CHRNA4: variants seen among roughly 807,000 people sequenced by gnomAD.
CHRNA4 encodes neuronal acetylcholine receptor subunit alpha-4.
In CHRNA4, 28 loss-of-function variants were observed where a neutral mutation model predicts 48.9. The ratio of observed to expected loss-of-function variants is 0.57; its 90% CI spans 0.42 to 0.79. CHRNA4 has a LOEUF of 0.79. CHRNA4 is among the 30% of genes least tolerant of loss of function. The probability of loss-of-function intolerance (pLI) is 0.00; values close to 1 mark genes in which losing one functional copy is unlikely to be tolerated. For missense variants in CHRNA4, 859 were observed against 898.4 expected, an observed-to-expected ratio of 0.96 and a Z score of 0.56; for synonymous variants, 425 against 402.3, an observed-to-expected ratio of 1.06 and a Z score of -0.68.
At chr20:63,360,937 T>C in intron 1 of CHRNA4, 153 bp downstream of exon 1, 1 of 590,066 alleles carries the variant, frequency 1.7e-6, no homozygotes, top group South Asian at 3.7e-5. Context: ...GAGCGCAGCC[T>C]GTGCGGCTGG....
Position 63,346,752 on chromosome 20 carries a change from C to T in CHRNA4, c.1870G>A (p.Ala624Thr). The change falls in exon 6 of 6, where the codon GCT (alanine) becomes ACT (threonine). Residue 624 changes from alanine (A) to threonine (T), a missense_variant. Ala to Thr is a moderately conservative substitution (Grantham distance 58). This residue lies in a region of CHRNA4 where 478 missense variants were observed against 455.4 expected (regional missense o/e 1.05). Transcript: ENST00000370263. Reference sequence around the variant, plus strand: ...CCGGTCCCTTCCTAGATCATGCCAGCCAGCCAGGGCGGCAGGAAGAGGCCC... The same window carrying T: ...CCGGTCCCTTCCTAGATCATGCCAGTCAGCCAGGGCGGCAGGAAGAGGCCC... ...TVGLFLPPWL[A>T]GMI 3 of 1,610,292 alleles carry T rather than the reference C, an allele frequency of 1.9e-6. No homozygotes were observed. The highest frequency in any genetic ancestry group is 2.5e-6 in the Non-Finnish European group (3 of 1,179,544).
In CHRNA4 at chr20:63,350,748, C is replaced by T; in HGVS notation, c.663G>A (p.Arg221=). Residue 221 remains arginine (R), a synonymous_variant, in exon 5 of 6, where the codon AGG becomes AGA. Transcript: ENST00000370263. ...AGATCTCGGCACAGCACTCGTACTT[C>T]CTGGTGTTGTAGGTGCCCACGGCAT... is the stretch of plus-strand genomic sequence containing the variant. ...IVDAVGTYNT[R]KYECCAEIYP... The T allele has an allele frequency of 6.4e-7, 1 of 1,567,486 alleles. No individual in the cohort carries two copies. The highest frequency in any genetic ancestry group is 1.6e-5 in the African/African-American group (1 of 60,874).
intron 4 of CHRNA4, chr20:63,354,528 T>C: frequency 1.1e-6 from 1 of 890,980 alleles, no homozygotes; most frequent in Non-Finnish European, 1.3e-6. Flanking sequence ...GGGGGAGCTG[T>C]GAACCTGGTG....
In CHRNA4 at chr20:63,351,155, G is replaced by A. The variant is rs867270154; in HGVS notation, c.384-128C>T. 232 of 790,676 alleles carry A rather than the reference G, an allele frequency of 2.9e-4. 25 individuals are homozygous for A. The highest frequency in any genetic ancestry group is 1.4e-3 in the Middle Eastern group (4 of 2,884). 49.0% of individuals were successfully genotyped at this position (790,676 alleles called of 1,614,324 possible). ...CATCCACGCCCACATCCACGTCCAC[G>A]CCCACATCCACGTCCACGCCCACAT... On this transcript the variant is annotated intron_variant, in intron 4 of 5. Coordinates refer to ENST00000370263, the MANE Select transcript of CHRNA4 (RefSeq NM_000744.7).
chr20:63,358,313 G>C (rs1294742986), intron 2 of CHRNA4, among the ~76,000 whole-genome samples: 1 of 152,208 alleles, frequency 6.6e-6, no homozygotes, highest in East Asian at 1.9e-4. Context: ...AAAGCCCCTG[G>C]GGTGTGGCCC....
At position 63,359,614 on chromosome 20, in the gene CHRNA4, G is replaced by C. The variant is rs776104392; in HGVS notation, c.162C>G (p.Pro54=). Residue 54 remains proline, a synonymous_variant, in exon 2 of 6, where the codon CCC becomes CCG. Transcript: ENST00000370263. ...LFSGYNKWSR[P]VANISDVVLV... ...GGACCACGTCCGAGATGTTGGCCAC[G>C]GGTCGGGACCACTTGTTGTAACCGG... The C allele has an allele frequency of 1.2e-6, 2 of 1,612,608 alleles. No homozygotes were observed. The highest frequency in any genetic ancestry group is 1.3e-5 in the African/African-American group (1 of 74,930).
intron 2 of CHRNA4, among the ~76,000 whole-genome samples, chr20:63,357,022 A>T (rs1031480161): frequency 2.6e-3 from 87 of 33,008 alleles, no homozygotes; most frequent in Admixed American, 4.2e-3. Context: ...ACATCCCCAC[A>T]GAACCACGTC....
intron 4 of CHRNA4, chr20:63,355,529 C>T: frequency 7.7e-7 from 1 of 1,291,340 alleles, no homozygotes; most frequent in Non-Finnish European, 1.0e-6. Context: ...CCACACTATT[C>T]TCCCAGAAAG....
At chr20:63,347,830 G>A (rs2068520484) in intron 5 of CHRNA4, among the ~76,000 whole-genome samples, 1 of 152,210 alleles carries the variant, frequency 6.6e-6, no homozygotes, top group African/African-American at 2.4e-5. Flanking sequence ...GCACACTGTG[G>A]GGACAGTGCC....
At position 63,349,754 on chromosome 20, in the gene CHRNA4, C is replaced by T. The variant is rs1419600544; in HGVS notation, c.1657G>A (p.Ala553Thr). ...GACAGGGGCAGGTGCGGGGGCGGCGCTTTGGTGCTGCGGGTCTTGACCGTG... is the reference window on the plus strand; with the variant it reads ...GACAGGGGCAGGTGCGGGGGCGGCGTTTTGGTGCTGCGGGTCTTGACCGTG... ...SATVKTRSTK[A>T]PPPHLPLSPA... is the part of the protein sequence containing the mutation. Residue 553 changes from alanine (A) to threonine (T), a missense_variant, in exon 5 of 6, where the codon GCG (alanine) becomes ACG (threonine). This residue lies in a region of CHRNA4 where 478 missense variants were observed against 455.4 expected (regional missense o/e 1.05). Transcript: ENST00000370263. The T allele has an allele frequency of 3.7e-6, 6 of 1,611,898 alleles. No homozygotes were observed. Among genetic ancestry groups the T allele is most frequent in the East Asian group, 2.2e-5 (1 of 44,858 alleles).
rs1601476010 is a variant in CHRNA4, at chr20:63,350,656, A to G, written c.755T>C (p.Ile252Thr). ...GAGGCAGGAGATGAGCAGGCAGGGG[A>G]TGATGAGGTTGATGGTGTAGAAGAG... ...LPLFYTINLI[I>T]PCLLISCLTV... Residue 252 changes from isoleucine (I) to threonine (T), a missense_variant, in exon 5 of 6, where the codon ATC (isoleucine) becomes ACC (threonine). This residue lies in a region of CHRNA4 where 342 missense variants were observed against 365.3 expected (regional missense o/e 0.94). Coordinates refer to ENST00000370263, the MANE Select transcript of CHRNA4 (RefSeq NM_000744.7). The G allele has an allele frequency of 1.2e-6, 2 of 1,613,904 alleles. No homozygotes were observed. The highest frequency in any genetic ancestry group is 1.7e-6 in the Non-Finnish European group (2 of 1,179,962).
rs899247296 is a variant in CHRNA4 at position 63,345,377 on chromosome 20, C to A, written c.*1361G>T. ...CAGGGGACACGCCATCCTGGCCCCG[C>A]CCCTCTGGGCCCTTGGAATCATGGA... On this transcript the variant is annotated 3_prime_UTR_variant, in exon 6 of 6. Coordinates refer to ENST00000370263, the MANE Select transcript of CHRNA4 (RefSeq NM_000744.7). The surrounding 1 kb of genome is among the most constrained non-coding windows in gnomAD (Gnocchi z 5.4). 1 of 426,006 alleles carries A rather than the reference C, an allele frequency of 2.3e-6. No homozygotes were observed. The highest frequency in any genetic ancestry group is 2.4e-5 in the Admixed American group (1 of 41,234). The allele number at this position is 426,006 out of a possible 1,614,324, so 26.4% of individuals were successfully genotyped here.
At position 63,356,740 on chromosome 20, in the gene CHRNA4, C is replaced by T. The variant is rs969572679; in HGVS notation, c.229-325G>A. ...TCCTTCTGCCCACCTGCCTTGCTCC[C>T]TCCCGGCCCTTGGGGGCAGCCCCTC... On this transcript the variant is annotated intron_variant, in intron 2 of 5. Coordinates refer to ENST00000370263, the MANE Select transcript of CHRNA4 (RefSeq NM_000744.7). 3.8e-5 allele frequency: 18 copies of T among 477,328 alleles called. No homozygotes were observed. The East Asian group carries it at 5.5e-4, about 15-fold the overall frequency. The allele number at this position is 477,328 out of a possible 1,614,324, so 29.6% of individuals were successfully genotyped here. A position where few individuals can be genotyped will look rare whatever the true frequency, so the allele number is the denominator to read the frequency against.
At position 63,343,344 on chromosome 20, in the gene CHRNA4, G is replaced by A. The variant is rs188373953; in HGVS notation, c.*3394C>T. On this transcript the variant is annotated 3_prime_UTR_variant, in exon 6 of 6. Transcript: ENST00000370263. ...CCTGGGCTCGGCGGGCCACACGGTC[G>A]GCGGGGCTTGGTCCATGGGGCTGGC... The A allele has an allele frequency of 3.8e-5, 17 of 452,636 alleles. No individual in the cohort carries two copies. Among genetic ancestry groups the A allele is most frequent in the Middle Eastern group, 1.4e-3 (2 of 1,436 alleles). 28.0% of individuals were successfully genotyped at this position (452,636 alleles called of 1,614,324 possible).
rs1021933122 is a variant in CHRNA4 at position 63,359,797 on chromosome 20, C to G, written c.77-98G>C. On this transcript the variant is annotated intron_variant, in intron 1 of 5. Transcript: ENST00000370263. ...GGCTGCCCCAGCCCCCTGCCCAGCACGTCCACTTCCTTTCAGCTCCTCACA... is the reference window on the plus strand; with the variant it reads ...GGCTGCCCCAGCCCCCTGCCCAGCAGGTCCACTTCCTTTCAGCTCCTCACA... 2.1e-5 allele frequency: 30 copies of G among 1,434,056 alleles called. No homozygotes were observed. The African/African-American group carries it at 3.8e-4, about 18-fold the overall frequency. 88.8% of individuals were successfully genotyped at this position (1,434,056 alleles called of 1,614,324 possible). A position where few individuals can be genotyped will look rare whatever the true frequency, so the allele number is the denominator to read the frequency against.
At chr20:63,359,256 G>A in intron 2 of CHRNA4, 3 of 465,146 alleles carry the variant, frequency 6.4e-6, no homozygotes, top group South Asian at 4.1e-5. Context: ...GGCCTTTGCT[G>A]TTCTTTGCTT....
intron 2 of CHRNA4, among the ~76,000 whole-genome samples, chr20:63,357,294 C>T (rs1294060089): frequency 1.3e-4 from 2 of 15,680 alleles, no homozygotes; most frequent in African/African-American, 2.0e-4. Context: ...CCCCACAGGA[C>T]CTCATCCCCT....
chr20:63,355,370 G>A, intron 4 of CHRNA4: 1 of 541,170 alleles, frequency 1.8e-6, no homozygotes, highest in South Asian at 1.8e-5. Context: ...GCCTGACATG[G>A]GCTTGGCCCA....
Position 63,350,629 on chromosome 20 carries a change from G to A in CHRNA4, c.782C>T (p.Thr261Ile). Reference sequence around the variant, plus strand: ...GGAGGGCAGGTAGAAGACCAGCACGGTGAGGCAGGAGATGAGCAGGCAGGG... The same window carrying A: ...GGAGGGCAGGTAGAAGACCAGCACGATGAGGCAGGAGATGAGCAGGCAGGG... ...IIPCLLISCL[T>I]VLVFYLPSEC... Residue 261 changes from threonine (T) to isoleucine (I), a missense_variant, in exon 5 of 6, where the codon ACC (threonine) becomes ATC (isoleucine). Thr to Ile is a moderately conservative substitution (Grantham distance 89, BLOSUM62 -1). This residue lies in a region of CHRNA4 where 39 missense variants were observed against 77.7 expected (regional missense o/e 0.50). Coordinates refer to ENST00000370263, the MANE Select transcript of CHRNA4 (RefSeq NM_000744.7). The A allele has an allele frequency of 6.2e-7, 1 of 1,614,094 alleles. No individual in the cohort carries two copies. The highest frequency in any genetic ancestry group is 1.1e-5 in the South Asian group (1 of 91,080).
Sources: gnomAD v4.1 joint callset for allele counts (sites outside exome capture counted in the v4.1 genomes callset) on GRCh38, gnomAD v4.1.1 for gene constraint, gnomAD v4.1.1 regional missense constraint, Gnocchi (gnomAD v3.1) non-coding constraint, MANE v1.5 for transcripts, NCBI Gene and HGNC (gene_info 2026-07-23, HGNC 2026-07-21) for gene names.